GUCY1B1: variants seen among roughly 807,000 people sequenced by gnomAD.
The protein encoded by GUCY1B1 is guanylate cyclase soluble subunit beta-1.
In GUCY1B1, 43 loss-of-function variants were observed where a neutral mutation model predicts 71.0. That is an observed-to-expected ratio of 0.61 (90% CI 0.47 to 0.78). The LOEUF (loss-of-function observed/expected upper bound fraction) is 0.78, where lower values mean the gene tolerates loss of function less well. GUCY1B1 is among the 30% of genes least tolerant of loss of function. GUCY1B1 has a pLI of 0.00. For synonymous variants in GUCY1B1, 266 were observed against 259.7 expected, an observed-to-expected ratio of 1.02 and a Z score of -0.23; for missense variants, 535 against 754.1, an observed-to-expected ratio of 0.71 and a Z score of 3.40.
At chr4:155,798,930 C>T (rs958200639) in intron 8 of GUCY1B1, among the ~76,000 whole-genome samples, 3 of 152,074 alleles carry the variant, frequency 2.0e-5, no homozygotes, top group Non-Finnish European at 4.4e-5. Flanking sequence ...CTCCTGCTCC[C>T]GGGTTCAAGC....
intron 8 of GUCY1B1, among the ~76,000 whole-genome samples, chr4:155,797,097 A>G (rs1467834820): frequency 6.6e-6 from 1 of 152,214 alleles, no homozygotes; most frequent in Non-Finnish European, 1.5e-5. Context: ...CCAATTTAGG[A>G]AAGCATTTTA....
rs556422909 is a variant in GUCY1B1, at chr4:155,763,569, A to G, written c.77+3709A>G. On this transcript the variant is annotated intron_variant, in intron 2 of 13. Coordinates refer to ENST00000264424, the MANE Select transcript of GUCY1B1 (RefSeq NM_000857.5). ...TCAAAAAAAAAATTCTAGAGATTTCATGATATTTTAGTCTTATTATTTTGT... is the reference window on the plus strand; with the variant it reads ...TCAAAAAAAAAATTCTAGAGATTTCGTGATATTTTAGTCTTATTATTTTGT... Among the ~76,000 whole-genome samples the G allele has an allele frequency of 1.3e-4, 20 of 152,262 alleles. No homozygotes were observed. The South Asian group carries it at 1.7e-3, about 13-fold the overall frequency.
At chr4:155,765,689 C>T (rs992894111) in intron 2 of GUCY1B1, among the ~76,000 whole-genome samples, 19 of 152,148 alleles carry the variant, frequency 1.2e-4, no homozygotes, top group African/African-American at 4.6e-4. Context: ...TCTTTGTGGT[C>T]AATCTTCAGA....
At chr4:155,777,447 C>A in intron 3 of GUCY1B1, 77 bp from the exon 4 acceptor site, 1 of 807,740 alleles carries the variant, frequency 1.2e-6, no homozygotes, top group Non-Finnish European at 2.2e-6. Context: ...ACTTAATAAA[C>A]ACTTATCTTC....
At chr4:155,779,654 A>G (rs1738284567) in intron 4 of GUCY1B1, among the ~76,000 whole-genome samples, 1 of 152,212 alleles carries the variant, frequency 6.6e-6, no homozygotes, top group South Asian at 2.1e-4. Flanking sequence ...GGCAAATTGA[A>G]TATGTTAAAA....
intron 4 of GUCY1B1, among the ~76,000 whole-genome samples, chr4:155,778,285 T>A (rs1738192358): frequency 6.6e-6 from 1 of 152,266 alleles, no homozygotes; most frequent in Admixed American, 6.5e-5. Flanking sequence ...TAAAAGATTG[T>A]ACTAGTAAAT....
rs139442433 is a variant in GUCY1B1 at position 155,767,015 on chromosome 4, T to C, written c.77+7155T>C. ...AAAATAGATTCCTTCATTATCCTCA[T>C]TTTGCAAATGAGAGAATAGAGGCGT... On this transcript the variant is annotated intron_variant, in intron 2 of 13. Coordinates refer to ENST00000264424, the MANE Select transcript of GUCY1B1 (RefSeq NM_000857.5). Among the ~76,000 whole-genome samples the C allele has an allele frequency of 5.2e-3, 790 of 152,302 alleles. 4 individuals are homozygous for C. Among genetic ancestry groups the C allele is most frequent in the Middle Eastern group, 0.017 (5 of 294 alleles).
At chr4:155,788,684 A>G (rs113285791) in intron 4 of GUCY1B1, among the ~76,000 whole-genome samples, 5 of 152,214 alleles carry the variant, frequency 3.3e-5, no homozygotes, top group Non-Finnish European at 5.9e-5. Flanking sequence ...ACATGTTTAA[A>G]GTTATCTCCA....
chr4:155,768,637 C>T (rs1192871723), intron 2 of GUCY1B1, among the ~76,000 whole-genome samples: 1 of 151,980 alleles, frequency 6.6e-6, no homozygotes, highest in Non-Finnish European at 1.5e-5. Flanking sequence ...AAAAAAATCC[C>T]AACTTACCAA....
chr4:155,763,284 G>A (rs1737120088), intron 2 of GUCY1B1, among the ~76,000 whole-genome samples: 2 of 152,098 alleles, frequency 1.3e-5, no homozygotes, highest in African/African-American at 4.8e-5. Context: ...GTCATCAAGT[G>A]ATCCTCTTGA....
intron 5 of GUCY1B1, among the ~76,000 whole-genome samples, chr4:155,793,590 T>C (rs924233278): frequency 7.2e-5 from 11 of 152,174 alleles, no homozygotes; most frequent in Non-Finnish European, 1.6e-4. Context: ...GCTTTTTTTT[T>C]CTAATTCTAC....
chr4:155,796,271 A>T (rs1301164959), intron 7 of GUCY1B1, 106 bp from the exon 8 acceptor site: 1 of 1,028,904 alleles, frequency 9.7e-7, no homozygotes, highest in African/African-American at 1.6e-5. Context: ...TGATGCACTT[A>T]TTCTGCTTTG....
At chr4:155,800,397 T>C (rs901566412) in intron 9 of GUCY1B1, among the ~76,000 whole-genome samples, 2 of 152,216 alleles carry the variant, frequency 1.3e-5, no homozygotes, top group African/African-American at 4.8e-5. Flanking sequence ...CCTGCATTCT[T>C]TCATACAAGA....
intron 2 of GUCY1B1, among the ~76,000 whole-genome samples, chr4:155,763,797 G>A (rs1204712739): frequency 6.6e-6 from 1 of 152,050 alleles, no homozygotes; most frequent in Non-Finnish European, 1.5e-5. Context: ...ATTGCATAGA[G>A]GAAAAAATAA....
Position 155,796,529 on chromosome 4 carries a change from A to C in GUCY1B1, c.977+19A>C. The C allele has an allele frequency of 1.9e-6, 3 of 1,562,316 alleles. No individual in the cohort carries two copies. Among genetic ancestry groups the C allele is most frequent in the Non-Finnish European group, 2.6e-6 (3 of 1,136,770 alleles). On this transcript the variant is annotated intron_variant, in intron 8 of 13. Coordinates refer to ENST00000264424, the MANE Select transcript of GUCY1B1 (RefSeq NM_000857.5). ...CACCAAGGTAATCATTTTTAGATTAATTATAGTGGCTATCAGTACCTATCT... is the reference window on the plus strand; with the variant it reads ...CACCAAGGTAATCATTTTTAGATTACTTATAGTGGCTATCAGTACCTATCT...
At position 155,802,282 on chromosome 4, in the gene GUCY1B1, A is replaced by G. The variant is rs968335211; in HGVS notation, c.1176-60A>G. Reference sequence around the variant, plus strand: ...TGATGCTGTGTGAAAAGGACAGCAGAAGCACTAAAGGCTTTCCCAGTATTT... The same window carrying G: ...TGATGCTGTGTGAAAAGGACAGCAGGAGCACTAAAGGCTTTCCCAGTATTT... On this transcript the variant is annotated intron_variant, in intron 9 of 13. Transcript: ENST00000264424. The surrounding 1 kb of genome is among the most constrained non-coding windows in gnomAD (Gnocchi z 4.3). The G allele has an allele frequency of 6.2e-7, 1 of 1,604,244 alleles. No homozygotes were observed. Among genetic ancestry groups the G allele is most frequent in the Non-Finnish European group, 8.5e-7 (1 of 1,175,846 alleles).
chr4:155,805,240 T>G lies in GUCY1B1; in HGVS notation c.1836+11T>G. On this transcript the variant is annotated intron_variant, in intron 13 of 13. Transcript: ENST00000264424. ...AATACAGGAACAGAGGTATGACTAA[T>G]CAAAGTGTAATTTGCGTACTTAAGA... 1 of 1,602,982 alleles carries G rather than the reference T, an allele frequency of 6.2e-7. No individual in the cohort carries two copies. The highest frequency in any genetic ancestry group is 1.1e-5 in the South Asian group (1 of 89,274).
At chr4:155,795,118 A>T (rs1453284870) in intron 6 of GUCY1B1, among the ~76,000 whole-genome samples, 1 of 152,162 alleles carries the variant, frequency 6.6e-6, no homozygotes, top group African/African-American at 2.4e-5. Context: ...ATCTGAATCC[A>T]TATCAGATTT....
At chr4:155,772,243 A>G (rs1406525867) in intron 2 of GUCY1B1, among the ~76,000 whole-genome samples, 1 of 152,190 alleles carries the variant, frequency 6.6e-6, no homozygotes, top group Non-Finnish European at 1.5e-5. Context: ...TATTTTATGT[A>G]CAGTGCTATA....
Sources: gnomAD v4.1 joint callset for allele counts (sites outside exome capture counted in the v4.1 genomes callset) on GRCh38, gnomAD v4.1.1 for gene constraint, Gnocchi (gnomAD v3.1) non-coding constraint, MANE v1.5 for transcripts, NCBI Gene and HGNC (gene_info 2026-07-23, HGNC 2026-07-21) for gene names.